Variants in CTNNA2 observed in about 807,000 individuals in gnomAD.
CTNNA2 encodes catenin alpha 2.
In CTNNA2, 42 loss-of-function variants were observed where a neutral mutation model predicts 101.0. The observed-to-expected ratio is 0.42, with a 90% CI of 0.32 to 0.54. The LOEUF (loss-of-function observed/expected upper bound fraction) is 0.54, where lower values mean the gene tolerates loss of function less well. CTNNA2 is among the 20% of genes least tolerant of loss of function. The probability of loss-of-function intolerance (pLI) is 0.14; values close to 1 mark genes in which losing one functional copy is unlikely to be tolerated. For missense variants in CTNNA2, 871 were observed against 1,223.1 expected (o/e 0.71, Z 4.29); for synonymous variants, 450 against 456.4 (o/e 0.99, Z 0.18).
intron 7 of CTNNA2, among the ~76,000 whole-genome samples, chr2:80,186,034 C>T (rs942128754): frequency 3.3e-5 from 5 of 152,152 alleles, no homozygotes; most frequent in Admixed American, 1.3e-4. Flanking sequence ...CTGGTGCTCT[C>T]CTTTCTCCCT....
chr2:79,460,260 C>T (rs1359797332), intron 4 of CTNNA2, among the ~76,000 whole-genome samples: 1 of 151,954 alleles, frequency 6.6e-6, no homozygotes, highest in Non-Finnish European at 1.5e-5. Flanking sequence ...ACATATACAC[C>T]ATGAAATAAT....
intron 1 of CTNNA2, among the ~76,000 whole-genome samples, chr2:79,571,611 TTAAC>T (rs1448494878): frequency 6.6e-6 from 1 of 152,140 alleles, no homozygotes; most frequent in African/African-American, 2.4e-5. Flanking sequence ...ACACCACACT[TTAAC>T]TAAAATTCCA....
intron 1 of CTNNA2, among the ~76,000 whole-genome samples, chr2:79,551,990 C>T (rs548776324): frequency 6.6e-6 from 1 of 152,116 alleles, no homozygotes; most frequent in Non-Finnish European, 1.5e-5. Flanking sequence ...TCTGGCCCCT[C>T]CCAAATCTTA....
intron 4 of CTNNA2, among the ~76,000 whole-genome samples, chr2:79,450,551 T>A (rs968022132): frequency 1.3e-5 from 2 of 152,114 alleles, no homozygotes; most frequent in Non-Finnish European, 2.9e-5. Flanking sequence ...CTAGGTATGC[T>A]TTTTGTTTGA....
chr2:80,021,624 AT>A, intron 7 of CTNNA2, among the ~76,000 whole-genome samples: 1 of 152,312 alleles, frequency 6.6e-6, no homozygotes, highest in East Asian at 1.9e-4. Context: ...AGTTGTATGT[AT>A]TTATGATATA....
intron 9 of CTNNA2, among the ~76,000 whole-genome samples, chr2:80,505,728 A>T (rs1160332360): frequency 6.6e-6 from 1 of 152,198 alleles, no homozygotes; most frequent in Non-Finnish European, 1.5e-5. Flanking sequence ...TCTATATAAC[A>T]TGCAATAGCT....
intron 2 of CTNNA2, among the ~76,000 whole-genome samples, chr2:79,657,743 GA>G (rs139122164): frequency 3.3e-5 from 5 of 150,814 alleles, no homozygotes; most frequent in East Asian, 3.9e-4. Flanking sequence ...GCATAAGTGT[GA>G]AAAAAAATAG....
At chr2:79,512,356 A>C (rs192121722), upstream of CTNNA2, among the ~76,000 whole-genome samples, 22 of 152,300 alleles carry the variant, frequency 1.4e-4, no homozygotes, top group African/African-American at 5.3e-4. Flanking sequence ...TAAATGAGCA[A>C]ATATTCCAGT....
intron 3 of CTNNA2, among the ~76,000 whole-genome samples, chr2:79,756,061 C>T (rs1442441962): frequency 9.0e-6 from 1 of 111,634 alleles, no homozygotes; most frequent in African/African-American, 2.9e-5. Context: ...TAGCTGAGGG[C>T]CCAGGAGTAC....
chr2:79,991,568 A>G (rs924305096), intron 7 of CTNNA2, among the ~76,000 whole-genome samples: 1 of 152,188 alleles, frequency 6.6e-6, no homozygotes, highest in Non-Finnish European at 1.5e-5. Context: ...TGTACAGTAA[A>G]CGTAGTGCTC....
At chr2:79,802,692 A>G (rs1401267686) in intron 3 of CTNNA2, among the ~76,000 whole-genome samples, 1 of 152,250 alleles carries the variant, frequency 6.6e-6, no homozygotes, top group Non-Finnish European at 1.5e-5. Flanking sequence ...TGGAAGATTA[A>G]TATTATACAT....
intron 3 of CTNNA2, among the ~76,000 whole-genome samples, chr2:79,848,550 C>A (rs913185123): frequency 7.9e-5 from 12 of 152,190 alleles, no homozygotes; most frequent in African/African-American, 2.9e-4. Context: ...CTTCTCCCAA[C>A]CCAGGAAAAG....
At chr2:80,536,350 A>G (rs1691019251) in intron 9 of CTNNA2, among the ~76,000 whole-genome samples, 1 of 152,122 alleles carries the variant, frequency 6.6e-6, no homozygotes, top group Non-Finnish European at 1.5e-5. Flanking sequence ...ATTCCCCTTG[A>G]ATTTATTTAA....
intron 2 of CTNNA2, among the ~76,000 whole-genome samples, chr2:79,264,030 T>C (rs149238055): frequency 1.3e-3 from 201 of 152,308 alleles, no homozygotes; most frequent in African/African-American, 4.5e-3. Context: ...ATCTTTATTA[T>C]TGTTGAAGAT....
At chr2:80,410,036 C>T (rs937471321) in intron 8 of CTNNA2, among the ~76,000 whole-genome samples, 1 of 152,166 alleles carries the variant, frequency 6.6e-6, no homozygotes, top group African/African-American at 2.4e-5. Context: ...TGAGCTTCTG[C>T]AAAACTAGTT....
chr2:79,976,647 C>T, intron 7 of CTNNA2, among the ~76,000 whole-genome samples: 1 of 152,176 alleles, frequency 6.6e-6, no homozygotes, highest in Non-Finnish European at 1.5e-5. Flanking sequence ...TTTAACCTCA[C>T]AGTGACCTGA....
At chr2:79,290,894 A>G (rs1372512883) in intron 2 of CTNNA2, among the ~76,000 whole-genome samples, 1 of 152,214 alleles carries the variant, frequency 6.6e-6, no homozygotes, top group South Asian at 2.1e-4. Context: ...GTGATAAGGC[A>G]GGGGGTCTAA....
chr2:80,253,112 A>G (rs1671888593), intron 7 of CTNNA2, among the ~76,000 whole-genome samples: 1 of 152,104 alleles, frequency 6.6e-6, no homozygotes. Flanking sequence ...TGCCTATTAT[A>G]TTAACCCTAA....
intron 7 of CTNNA2, among the ~76,000 whole-genome samples, chr2:79,939,146 CAG>C (rs987899915): frequency 6.6e-6 from 1 of 151,174 alleles, no homozygotes; most frequent in Non-Finnish European, 1.5e-5. Flanking sequence ...CTCTCAAACA[CAG>C]AGTTTATTAT....
Sources: gnomAD v4.1 joint callset for allele counts (sites outside exome capture counted in the v4.1 genomes callset) on GRCh38, gnomAD v4.1.1 for gene constraint, MANE v1.5 for transcripts, NCBI Gene and HGNC (gene_info 2026-07-23, HGNC 2026-07-21) for gene names.